MACROD2: variants seen among roughly 807,000 people sequenced by gnomAD.
The protein encoded by MACROD2 is ADP-ribose glycohydrolase MACROD2.
Under a neutral mutation model 70.4 loss-of-function variants are expected in MACROD2, and 36 were observed. That is an observed-to-expected ratio of 0.51 (90% CI 0.39 to 0.68). MACROD2 has a LOEUF of 0.68. MACROD2 is among the 30% of genes least tolerant of loss of function. The pLI, the probability that MACROD2 is intolerant of heterozygous loss-of-function variation, is 0.00. For synonymous variants in MACROD2, 172 were observed against 178.8 expected (o/e 0.96, Z 0.30); for missense variants, 496 against 538.4 (o/e 0.92, Z 0.78).
chr20:14,555,073 A>G (rs1040345523), intron 4 of MACROD2, among the ~76,000 whole-genome samples: 2 of 152,052 alleles, frequency 1.3e-5, no homozygotes, highest in Non-Finnish European at 2.9e-5. Flanking sequence ...ACTGTAGTCA[A>G]CAATGACTTA....
chr20:15,357,655 C>T (rs1031768695), intron 6 of MACROD2, among the ~76,000 whole-genome samples: 3 of 152,042 alleles, frequency 2.0e-5, no homozygotes, highest in African/African-American at 7.2e-5. Context: ...TTCTTATCCA[C>T]GTTTCTTAGA....
chr20:14,768,328 A>G (rs1254190064), intron 5 of MACROD2, among the ~76,000 whole-genome samples: 2 of 152,060 alleles, frequency 1.3e-5, no homozygotes, highest in South Asian at 2.1e-4. Context: ...AATGATCGCC[A>G]TTCTAATTTA....
intron 4 of MACROD2, among the ~76,000 whole-genome samples, chr20:14,672,816 G>A (rs1189204078): frequency 2.0e-5 from 3 of 152,058 alleles, no homozygotes; most frequent in South Asian, 2.1e-4. Context: ...TTTTGAACAT[G>A]TACTTATATG....
chr20:15,018,044 C>T (rs190568547), intron 5 of MACROD2, among the ~76,000 whole-genome samples: 6 of 152,306 alleles, frequency 3.9e-5, no homozygotes, highest in East Asian at 1.9e-4. Context: ...TTTCTGCAGC[C>T]GCCTTGAATT....
intron 8 of MACROD2, among the ~76,000 whole-genome samples, chr20:15,502,562 G>A (rs895584278): frequency 6.6e-6 from 1 of 152,062 alleles, no homozygotes; most frequent in African/African-American, 2.4e-5. Context: ...CTTCCGAAAA[G>A]GATATCTTAT....
chr20:14,236,085 C>A (rs771391927), intron 3 of MACROD2, among the ~76,000 whole-genome samples: 1 of 152,108 alleles, frequency 6.6e-6, no homozygotes, highest in Non-Finnish European at 1.5e-5. Flanking sequence ...CCTCCATACA[C>A]ATTTGGAAAT....
intron 8 of MACROD2, among the ~76,000 whole-genome samples, chr20:15,774,886 T>A (rs1239004027): frequency 6.6e-6 from 1 of 152,162 alleles, no homozygotes; most frequent in Non-Finnish European, 1.5e-5. Context: ...TTGGATTTGA[T>A]CCTCTTCTCA....
chr20:14,050,153 A>T (rs1266160572), intron 2 of MACROD2, among the ~76,000 whole-genome samples: 2 of 151,506 alleles, frequency 1.3e-5, no homozygotes, highest in Non-Finnish European at 2.9e-5. Context: ...TCGCTTCCTC[A>T]TTCATACTGA....
At chr20:15,494,736 G>GGTGT (rs550716316) in intron 7 of MACROD2, among the ~76,000 whole-genome samples, 7,676 of 110,098 alleles carry the variant, frequency 0.07, 249 homozygotes, top group Admixed American at 0.13. Context: ...TGCATAATGG[G>GGTGT]GTGTGTGTGT....
intron 5 of MACROD2, among the ~76,000 whole-genome samples, chr20:14,747,871 C>T (rs1027338549): frequency 3.9e-5 from 6 of 152,026 alleles, no homozygotes; most frequent in Non-Finnish European, 7.4e-5. Flanking sequence ...GCCTCTCCTG[C>T]ATGTCTACTA....
chr20:15,663,217 A>G (rs896937749), intron 8 of MACROD2, among the ~76,000 whole-genome samples: 3 of 148,860 alleles, frequency 2.0e-5, no homozygotes, highest in Non-Finnish European at 4.4e-5. Flanking sequence ...GTTTCTCAAG[A>G]GAAGTCAGAA....
intron 5 of MACROD2, among the ~76,000 whole-genome samples, chr20:15,220,975 G>A (rs75178441): frequency 0.032 from 4,881 of 152,202 alleles, 258 homozygotes; most frequent in African/African-American, 0.11. Flanking sequence ...GCACGGGAGT[G>A]GTAAAGGAAT....
chr20:15,795,734 G>C (rs557017486), intron 8 of MACROD2, among the ~76,000 whole-genome samples: 2 of 152,200 alleles, frequency 1.3e-5, no homozygotes, highest in African/African-American at 4.8e-5. Flanking sequence ...TTATAAGAAT[G>C]TCAAGTTGTC....
At chr20:15,480,252 C>A (rs997688986) in intron 7 of MACROD2, among the ~76,000 whole-genome samples, 1 of 151,632 alleles carries the variant, frequency 6.6e-6, no homozygotes, top group African/African-American at 2.4e-5. Context: ...ACTCTAAACA[C>A]CCCCCCTTAA....
intron 5 of MACROD2, among the ~76,000 whole-genome samples, chr20:14,981,130 GA>G (rs1228846689): frequency 6.6e-6 from 1 of 151,344 alleles, no homozygotes; most frequent in African/African-American, 2.4e-5. Context: ...TAGCTTTTAG[GA>G]AAAAAACAAG....
chr20:14,893,759 T>C (rs1307222304), intron 5 of MACROD2: 2 of 152,124 alleles, frequency 1.3e-5, no homozygotes, highest in African/African-American at 4.8e-5. Flanking sequence ...ATAAGAGCTA[T>C]TAATATAATA....
chr20:15,351,870 C>G (rs187477200), intron 6 of MACROD2, among the ~76,000 whole-genome samples: 42 of 152,214 alleles, frequency 2.8e-4, no homozygotes, highest in African/African-American at 1.0e-3. Flanking sequence ...GAGAAACTTG[C>G]CAAAGGTTTA....
At chr20:15,331,663 C>T (rs1017160060) in intron 6 of MACROD2, among the ~76,000 whole-genome samples, 5 of 151,680 alleles carry the variant, frequency 3.3e-5, no homozygotes, top group African/African-American at 1.2e-4. Context: ...ACCATCTTCC[C>T]AACCAGACTT....
chr20:14,606,248 C>G (rs62202909), intron 4 of MACROD2, among the ~76,000 whole-genome samples: 1 of 151,978 alleles, frequency 6.6e-6, no homozygotes, highest in Admixed American at 6.6e-5. Flanking sequence ...GTGGCTGCAT[C>G]TCAACTGTGC....
Sources: gnomAD v4.1 joint callset for allele counts (sites outside exome capture counted in the v4.1 genomes callset) on GRCh38, gnomAD v4.1.1 for gene constraint, MANE v1.5 for transcripts, NCBI Gene and HGNC (gene_info 2026-07-23, HGNC 2026-07-21) for gene names.